The following NECAB3 variants were observed in gnomAD, a reference collection of about 807,000 sequenced individuals.
NECAB3 encodes the protein N-terminal EF-hand calcium-binding protein 3.
Under a neutral mutation model 57.2 loss-of-function variants are expected in NECAB3, and 38 were observed. The observed-to-expected ratio is 0.66, with a 90% CI of 0.51 to 0.87. The LOEUF is 0.87. Among genes scored for constraint, NECAB3 ranks in the 40% least tolerant of loss-of-function variants. The probability of loss-of-function intolerance (pLI) is 0.00; values close to 1 mark genes in which losing one functional copy is unlikely to be tolerated. For synonymous variants in NECAB3, 223 were observed against 222.6 expected, an observed-to-expected ratio of 1.00 and a Z score of -0.02; for missense variants, 474 against 527.5, an observed-to-expected ratio of 0.90 and a Z score of 0.99.
chr20:33,660,931 G>A lies in NECAB3; in HGVS notation c.388-536C>T, dbSNP rs2017455212. Reference sequence around the variant, plus strand: ...CATTCTCACTCAGACACACACGCCGGCACTGACCCCAACCGACACTGCCAG... The same window carrying A: ...CATTCTCACTCAGACACACACGCCGACACTGACCCCAACCGACACTGCCAG... On this transcript the variant is annotated intron_variant, in intron 5 of 11. Coordinates refer to ENST00000246190, the MANE Select transcript of NECAB3 (RefSeq NM_031232.4). This position sits in a 1 kb window ranked among gnomAD's most constrained non-coding sequence, Gnocchi z 4.1. Among the ~76,000 whole-genome samples the A allele has an allele frequency of 6.6e-6, 1 of 152,124 alleles. No homozygotes were observed. Among genetic ancestry groups the A allele is most frequent in the African/African-American group, 2.4e-5 (1 of 41,420 alleles).
chr20:33,659,665 C>T lies in NECAB3; in HGVS notation c.711G>A (p.Gln237=), dbSNP rs1298601661. 4 of 1,610,888 alleles carry T rather than the reference C, an allele frequency of 2.5e-6. No individual in the cohort carries two copies. The highest frequency in any genetic ancestry group is 3.4e-6 in the Non-Finnish European group (4 of 1,179,540). ...CCACGGCCCTCACCTTGCACTCGAG[C>T]TGGTCGATGAGCTCCTGGAGGCGGT... ...QVNRLQELID[Q]LECKVRAVGP... is the part of the protein sequence containing the mutation. The change falls in exon 8 of 12, where the codon CAG becomes CAA. Residue 237 remains glutamine, a synonymous_variant. Coordinates refer to ENST00000246190, the MANE Select transcript of NECAB3 (RefSeq NM_031232.4).
rs897955532 is a variant in NECAB3 at position 33,660,667 on chromosome 20, C to T, written c.388-272G>A. Among the ~76,000 whole-genome samples the T allele has an allele frequency of 6.6e-6, 1 of 152,174 alleles. No individual in the cohort carries two copies. Among genetic ancestry groups the T allele is most frequent in the African/African-American group, 2.4e-5 (1 of 41,426 alleles). ...GCCTGGCCTCTCTGGACCTCATGGC[C>T]CCTTCCCTGATGGGGCTACCACCTT... On this transcript the variant is annotated intron_variant, in intron 5 of 11. Coordinates refer to ENST00000246190, the MANE Select transcript of NECAB3 (RefSeq NM_031232.4). The surrounding 1 kb of genome is among the most constrained non-coding windows in gnomAD (Gnocchi z 4.1).
rs938866200 is a variant in NECAB3, at chr20:33,660,669, CT to C, written c.388-275del. ...CTGGCCTCTCTGGACCTCATGGCCCCTTCCCTGATGGGGCTACCACCTTCAG... is the reference window on the plus strand; with the variant it reads ...CTGGCCTCTCTGGACCTCATGGCCCCTCCCTGATGGGGCTACCACCTTCAG... On this transcript the variant is annotated intron_variant, in intron 5 of 11. Coordinates refer to ENST00000246190, the MANE Select transcript of NECAB3 (RefSeq NM_031232.4). This position sits in a 1 kb window ranked among gnomAD's most constrained non-coding sequence, Gnocchi z 4.1. 2.6e-5 allele frequency among the ~76,000 whole-genome samples: 4 copies of C among 152,200 alleles called. No individual in the cohort carries two copies. Among genetic ancestry groups the C allele is most frequent in the African/African-American group, 9.7e-5 (4 of 41,442 alleles).
At chr20:33,658,432 C>T (rs373448146) in intron 10 of NECAB3, 45 bp downstream of exon 10, 2 of 1,588,672 alleles carry the variant, frequency 1.3e-6, no homozygotes, top group Non-Finnish European at 1.7e-6. Context: ...TGACTCACTC[C>T]AGGGCCACAT....
At chr20:33,664,086 C>A in intron 5 of NECAB3, 1 of 482,790 alleles carries the variant, frequency 2.1e-6, no homozygotes, top group Non-Finnish European at 3.6e-6. Flanking sequence ...CAGAACAGAA[C>A]CCCAAACCTT....
At chr20:33,667,755 C>A in intron 5 of NECAB3, 3 of 1,612,588 alleles carry the variant, frequency 1.9e-6, no homozygotes, top group Non-Finnish European at 2.5e-6. Context: ...GCAGCTGCTA[C>A]GTGTCCCTGG....
intron 5 of NECAB3, chr20:33,667,590 C>T (rs747484723): frequency 5.7e-6 from 9 of 1,575,216 alleles, no homozygotes; most frequent in Non-Finnish European, 6.9e-6. Context: ...ACGCCACGCC[C>T]ATCTACGCGG....
intron 5 of NECAB3, chr20:33,663,850 C>A (rs1217658599): frequency 7.1e-7 from 1 of 1,404,516 alleles, no homozygotes; most frequent in Non-Finnish European, 9.2e-7. Flanking sequence ...GTGCCGCTGC[C>A]CTCGCCCGCA....
chr20:33,670,345 G>A (rs2017803401), intron 3 of NECAB3: 1 of 268,512 alleles, frequency 3.7e-6, no homozygotes, highest in Non-Finnish European at 7.1e-6. Context: ...ACAAGGGGTA[G>A]ATGGTTGCGT....
intron 1 of NECAB3, 62 bp downstream of exon 1, chr20:33,674,162 A>T: frequency 8.1e-7 from 1 of 1,228,698 alleles, no homozygotes. Context: ...ACAACCCCGG[A>T]GGGTGAGACT....
chr20:33,657,817 T>C lies in NECAB3; in HGVS notation c.*12A>G. The C allele has an allele frequency of 6.5e-7, 1 of 1,530,928 alleles. No homozygotes were observed. 94.8% of individuals were successfully genotyped at this position (1,530,928 alleles called of 1,614,324 possible). On this transcript the variant is annotated 3_prime_UTR_variant, in exon 12 of 12. Coordinates refer to ENST00000246190, the MANE Select transcript of NECAB3 (RefSeq NM_031232.4). ...GCAGGGTCCCGGGGCCCTCGGCGTG[T>C]GCAGGTCTGGCTCAGTTGTTATTCA...
At chr20:33,667,872 A>T (rs763745772) in intron 5 of NECAB3, 20 of 1,600,054 alleles carry the variant, frequency 1.2e-5, no homozygotes, top group Middle Eastern at 1.7e-4. Context: ...GCTGCCCCGA[A>T]CCCATCTTCC....
chr20:33,671,297 T>C (rs1432243601), intron 2 of NECAB3, among the ~76,000 whole-genome samples: 1 of 152,102 alleles, frequency 6.6e-6, no homozygotes, highest in African/African-American at 2.4e-5. Context: ...GAGCTCCCCA[T>C]CACAGGGGCA....
intron 5 of NECAB3, among the ~76,000 whole-genome samples, chr20:33,663,051 C>A (rs144041031): frequency 3.7e-4 from 57 of 152,304 alleles, no homozygotes; most frequent in African/African-American, 1.3e-3. Context: ...CAACCCTGGA[C>A]GAACGGGTGG....
intron 5 of NECAB3, chr20:33,667,066 G>A (rs2017677655): frequency 1.2e-5 from 2 of 166,336 alleles, no homozygotes; most frequent in African/African-American, 2.4e-5. Context: ...CAGCCCCGCG[G>A]CTGGGCCGAG....
chr20:33,667,667 G>C (rs200071801), intron 5 of NECAB3: 2 of 1,611,318 alleles, frequency 1.2e-6, no homozygotes, highest in African/African-American at 2.7e-5. Context: ...CGCTACCTGC[G>C]GGATCTGCTG....
Position 33,667,479 on chromosome 20 carries a change from G to A in NECAB3, c.387+1896C>T, listed in dbSNP as rs1377863411. On this transcript the variant is annotated intron_variant, in intron 5 of 11. Transcript: ENST00000246190. ...TGGCGGAGCTGCTGTTCGAGACCCTGGCAGTGCCCGCGTGCCACATGGCTA... is the reference window on the plus strand; with the variant it reads ...TGGCGGAGCTGCTGTTCGAGACCCTAGCAGTGCCCGCGTGCCACATGGCTA... The A allele has an allele frequency of 2.0e-6, 3 of 1,468,556 alleles. No homozygotes were observed. In the South Asian group the frequency reaches 4.1e-5, roughly 20 times the overall value. The allele number at this position is 1,468,556 out of a possible 1,614,324, so 91.0% of individuals were successfully genotyped here.
At chr20:33,664,130 A>G (rs935375083) in intron 5 of NECAB3, 11 of 443,106 alleles carry the variant, frequency 2.5e-5, no homozygotes, top group African/African-American at 8.3e-5. Context: ...CCTTCCCCCA[A>G]CACTCCAAAT....
At chr20:33,663,716 C>A in intron 5 of NECAB3, 3 of 1,525,208 alleles carry the variant, frequency 2.0e-6, no homozygotes, top group Non-Finnish European at 2.6e-6. Context: ...CGGCAAGAGG[C>A]GCGGCGGCCG....
Sources: gnomAD v4.1 joint callset for allele counts (sites outside exome capture counted in the v4.1 genomes callset) on GRCh38, gnomAD v4.1.1 for gene constraint, Gnocchi (gnomAD v3.1) non-coding constraint, MANE v1.5 for transcripts, NCBI Gene and HGNC (gene_info 2026-07-23, HGNC 2026-07-21) for gene names.